Variants in MMP26 observed in about 807,000 individuals in gnomAD.
MMP26 encodes the protein matrix metalloproteinase-26.
MMP26 carries 33 observed loss-of-function variants against 31.0 expected under a neutral mutation model. That is an observed-to-expected ratio of 1.06 (90% CI 0.81 to 1.42). The LOEUF is 1.42. MMP26 is among the 40% of genes most tolerant of loss of function. The pLI is 0.00. For missense variants in MMP26, 347 were observed against 316.1 expected (o/e 1.10, Z -0.74); for synonymous variants, 122 against 114.9 (o/e 1.06, Z -0.40).
chr11:4,771,036 G>A (rs1848709789), intron 2 of MMP26, among the ~76,000 whole-genome samples: 2 of 152,160 alleles, frequency 1.3e-5, no homozygotes, highest in Non-Finnish European at 2.9e-5. Flanking sequence ...ATTAGCAGTG[G>A]AGGTACGGTT....
At chr11:4,828,179 G>A (rs1176930310) in intron 2 of MMP26, among the ~76,000 whole-genome samples, 2 of 152,138 alleles carry the variant, frequency 1.3e-5, no homozygotes, top group Non-Finnish European at 2.9e-5. Context: ...ATAGGAATGT[G>A]AGGAAGCAGT....
intron 2 of MMP26, chr11:4,923,421 T>C (rs766309596): frequency 6.9e-6 from 11 of 1,589,404 alleles, no homozygotes; most frequent in Non-Finnish European, 9.4e-6. Flanking sequence ...TGAAACTTCT[T>C]AATGATGCGC....
At chr11:4,913,919 T>A (rs537676667) in intron 2 of MMP26, 1 of 152,168 alleles carries the variant, frequency 6.6e-6, no homozygotes, top group East Asian at 1.9e-4. Context: ...GATGCTCCCT[T>A]CCCCCAGCTA....
intron 2 of MMP26, chr11:4,914,645 G>C: frequency 1.1e-6 from 1 of 945,554 alleles, no homozygotes; most frequent in Non-Finnish European, 1.6e-6. Flanking sequence ...TTTATTTTAT[G>C]CATGTTAGAA....
chr11:4,896,896 A>C (rs1850711120), intron 2 of MMP26, among the ~76,000 whole-genome samples: 1 of 152,044 alleles, frequency 6.6e-6, no homozygotes, highest in East Asian at 1.9e-4. Context: ...CTACATGCAA[A>C]TACATTAAGA....
chr11:4,892,069 A>G (rs1167237979), intron 2 of MMP26, among the ~76,000 whole-genome samples: 1 of 152,140 alleles, frequency 6.6e-6, no homozygotes, highest in East Asian at 1.9e-4. Flanking sequence ...CCTAAAAAAA[A>G]AAGTTTTATT....
intron 1 of MMP26, among the ~76,000 whole-genome samples, chr11:4,726,878 C>T (rs1360423782): frequency 1.3e-5 from 2 of 152,068 alleles, no homozygotes; most frequent in East Asian, 3.9e-4. Flanking sequence ...CATGATAGGG[C>T]TTACACCTGT....
At chr11:4,759,727 A>G (rs73393064) in intron 1 of MMP26, among the ~76,000 whole-genome samples, 5,629 of 152,268 alleles carry the variant, frequency 0.037, 352 homozygotes, top group African/African-American at 0.13. Context: ...TTAAGTTATT[A>G]GCTTCTTTGG....
At chr11:4,723,432 G>C (rs1848047967) in intron 1 of MMP26, 1 of 1,026,824 alleles carries the variant, frequency 9.7e-7, no homozygotes, top group Admixed American at 1.7e-5. Flanking sequence ...CCAGGGAGCG[G>C]CTGCTGTCCA....
chr11:4,719,964 G>A (rs955813189), intron 1 of MMP26, among the ~76,000 whole-genome samples: 12 of 152,176 alleles, frequency 7.9e-5, no homozygotes, highest in Non-Finnish European at 2.9e-5. Context: ...AATAAAAAGT[G>A]CATTAACAAT....
At chr11:4,882,979 A>G (rs17251220) in intron 2 of MMP26, 103,423 of 924,198 alleles carry the variant, frequency 0.11, 6,874 homozygotes, top group Middle Eastern at 0.16. Context: ...GTCAATTCCA[A>G]TTGAATTTTA....
At chr11:4,882,829 A>G (rs762121335) in intron 2 of MMP26, 22 of 1,613,630 alleles carry the variant, frequency 1.4e-5, no homozygotes, top group Non-Finnish European at 1.7e-5. Context: ...AGCTGCTCCA[A>G]TCCAAGGGTT....
chr11:4,859,839 T>A (rs764993465), intron 2 of MMP26: 7 of 471,382 alleles, frequency 1.5e-5, no homozygotes, highest in South Asian at 1.1e-4. Context: ...GAGAGAGGCA[T>A]GTGCTGAGGG....
At chr11:4,772,841 A>G (rs922932259) in intron 2 of MMP26, among the ~76,000 whole-genome samples, 2 of 152,172 alleles carry the variant, frequency 1.3e-5, no homozygotes, top group Non-Finnish European at 2.9e-5. Context: ...GGTATCAATA[A>G]TACCAGTAAT....
chr11:4,722,637 G>T, intron 1 of MMP26: 1 of 639,016 alleles, frequency 1.6e-6, no homozygotes, highest in Non-Finnish European at 2.8e-6. Context: ...AGCCTCAGGT[G>T]GGTCCCCTGT....
At chr11:4,801,183 T>C (rs1564912620) in intron 2 of MMP26, among the ~76,000 whole-genome samples, 2 of 152,358 alleles carry the variant, frequency 1.3e-5, no homozygotes, top group East Asian at 1.9e-4. Flanking sequence ...TTCTCTGAAC[T>C]CTTCTAACCT....
intron 1 of MMP26, among the ~76,000 whole-genome samples, chr11:4,757,488 CA>C (rs951494075): frequency 6.7e-6 from 1 of 150,302 alleles, no homozygotes; most frequent in Admixed American, 6.6e-5. Flanking sequence ...AGACTTCAAA[CA>C]AAAAAAAGTA....
Position 4,848,488 on chromosome 11 carries a change from G to C in MMP26, c.-145+81147G>C, listed in dbSNP as rs115882083. The C allele has an allele frequency of 5.0e-4, 811 of 1,613,602 alleles. 2 individuals carry two copies. In the African/African-American group the frequency reaches 9.9e-3, roughly 20 times the overall value. Reference sequence around the variant, plus strand: ...GCACAGGTTTGACCAGCCTTCCAGCGATCCTCTCTGGACTCCACACCTTGC... The same window carrying C: ...GCACAGGTTTGACCAGCCTTCCAGCCATCCTCTCTGGACTCCACACCTTGC... On this transcript the variant is annotated intron_variant, in intron 2 of 7. Transcript: ENST00000380390.
chr11:4,802,574 G>C (rs1372279650), intron 2 of MMP26, among the ~76,000 whole-genome samples: 3 of 151,808 alleles, frequency 2.0e-5, no homozygotes, highest in Non-Finnish European at 4.4e-5. Flanking sequence ...ATAAGTACTA[G>C]GTGAACATCA....
Sources: allele counts gnomAD v4.1 joint callset (sites outside exome capture counted in the v4.1 genomes callset), GRCh38; gene constraint gnomAD v4.1.1; transcripts MANE v1.5; gene names NCBI Gene and HGNC (gene_info 2026-07-23, HGNC 2026-07-21).